Variants in ADAMTS17 observed in about 807,000 individuals in gnomAD.
The protein encoded by ADAMTS17 is A disintegrin and metalloproteinase with thrombospondin motifs 17.
ADAMTS17 carries 113 observed loss-of-function variants against 141.5 expected under a neutral mutation model. The observed-to-expected ratio is 0.80, with a 90% CI of 0.69 to 0.93. ADAMTS17 has a LOEUF of 0.93. Ranked by LOEUF, ADAMTS17 falls within the 40% of genes least tolerant of loss-of-function variation. ADAMTS17 has a pLI of 0.00. For synonymous variants in ADAMTS17, 768 were observed against 630.6 expected, an observed-to-expected ratio of 1.22 and a Z score of -3.27; for missense variants, 1,659 against 1,517.9, an observed-to-expected ratio of 1.09 and a Z score of -1.54.
intron 7 of ADAMTS17, among the ~76,000 whole-genome samples, chr15:100,216,601 T>A (rs1313087614): frequency 6.6e-6 from 1 of 152,160 alleles, no homozygotes; most frequent in Non-Finnish European, 1.5e-5. Context: ...TGACCTGGAT[T>A]TTGCGCTGAC....
chr15:100,206,743 G>C (rs541154242), intron 7 of ADAMTS17, among the ~76,000 whole-genome samples: 1 of 152,182 alleles, frequency 6.6e-6, no homozygotes, highest in South Asian at 2.1e-4. Flanking sequence ...TATCCCCAAA[G>C]GGAATCTGGG....
At chr15:100,104,353 GTTAAGT>G (rs138427171) in intron 14 of ADAMTS17, among the ~76,000 whole-genome samples, 5,493 of 152,218 alleles carry the variant, frequency 0.036, 340 homozygotes, top group African/African-American at 0.12. Context: ...TATGAGTGCT[GTTAAGT>G]TTAATTTCAG....
Position 100,284,632 on chromosome 15 carries a change from T to C in ADAMTS17, c.617-3231A>G, listed in dbSNP as rs1261164999. On this transcript the variant is annotated intron_variant, in intron 3 of 21. Transcript: ENST00000268070. Reference sequence around the variant, plus strand: ...GAGGGCACCTTAGCCTTCTCCTCCCTCCCTGATCTCAACCACTCCCTCAGC... The same window carrying C: ...GAGGGCACCTTAGCCTTCTCCTCCCCCCCTGATCTCAACCACTCCCTCAGC... Among the ~76,000 whole-genome samples the C allele has an allele frequency of 5.9e-5, 9 of 152,272 alleles. No homozygotes were observed. In the East Asian group the frequency reaches 1.5e-3, roughly 26 times the overall value.
chr15:100,239,509 G>C (rs1305858644), intron 7 of ADAMTS17, among the ~76,000 whole-genome samples: 1 of 152,124 alleles, frequency 6.6e-6, no homozygotes, highest in Non-Finnish European at 1.5e-5. Context: ...TGAGATGCTG[G>C]ACTGTGTGGA....
At chr15:100,221,078 G>C (rs147327957) in intron 7 of ADAMTS17, among the ~76,000 whole-genome samples, 1 of 152,080 alleles carries the variant, frequency 6.6e-6, no homozygotes, top group Non-Finnish European at 1.5e-5. Flanking sequence ...ATTTCTTGAG[G>C]AACTGGGAAC....
chr15:100,146,224 T>C (rs755590489), intron 10 of ADAMTS17, among the ~76,000 whole-genome samples: 74 of 152,158 alleles, frequency 4.9e-4, no homozygotes, highest in Admixed American at 2.7e-3. Flanking sequence ...AACCGTATAA[T>C]AGTATACAGT....
At chr15:100,021,743 T>C (rs1445922095) in intron 18 of ADAMTS17, among the ~76,000 whole-genome samples, 4 of 152,156 alleles carry the variant, frequency 2.6e-5, no homozygotes, top group African/African-American at 9.7e-5. Flanking sequence ...AGTACCAGGG[T>C]AGATGAAGGT....
rs147281652 is a variant in ADAMTS17 at position 100,153,283 on chromosome 15, G to A, written c.1323-521C>T. On this transcript the variant is annotated intron_variant, in intron 9 of 21. Coordinates refer to ENST00000268070, the MANE Select transcript of ADAMTS17 (RefSeq NM_139057.4). ...CTGAAAGCCACTGGCAACACTCGCCGAGGACTTCAGGATTTCAACTGGGGT... is the reference window on the plus strand; with the variant it reads ...CTGAAAGCCACTGGCAACACTCGCCAAGGACTTCAGGATTTCAACTGGGGT... Among the ~76,000 whole-genome samples the A allele has an allele frequency of 8.5e-3, 1,293 of 152,236 alleles. 20 individuals are homozygous for A. The highest frequency in any genetic ancestry group is 0.03 in the African/African-American group (1,239 of 41,548).
At chr15:100,177,764 C>T (rs1435989518) in intron 8 of ADAMTS17, among the ~76,000 whole-genome samples, 1 of 152,112 alleles carries the variant, frequency 6.6e-6, no homozygotes, top group Non-Finnish European at 1.5e-5. Context: ...ATTGTGGATT[C>T]ATCTAGCTAT....
intron 3 of ADAMTS17, among the ~76,000 whole-genome samples, chr15:100,329,011 C>G (rs566038805): frequency 6.6e-6 from 1 of 152,232 alleles, no homozygotes; most frequent in East Asian, 1.9e-4. Context: ...GTTTTCAACA[C>G]CAGCTGAACA....
intron 7 of ADAMTS17, among the ~76,000 whole-genome samples, chr15:100,234,228 C>T (rs1374727635): frequency 6.6e-6 from 1 of 152,186 alleles, no homozygotes. Context: ...CCTTCAGAAA[C>T]AAAGACAGTA....
At chr15:100,331,233 A>C (rs879602275) in intron 2 of ADAMTS17, among the ~76,000 whole-genome samples, 179 bp from the exon 3 acceptor site, 11 of 152,198 alleles carry the variant, frequency 7.2e-5, no homozygotes, top group Non-Finnish European at 1.6e-4. Context: ...TGTGACTTAC[A>C]AACATACCAC....
At chr15:100,056,004 G>A (rs1413784230) in intron 15 of ADAMTS17, among the ~76,000 whole-genome samples, 1 of 152,152 alleles carries the variant, frequency 6.6e-6, no homozygotes, top group African/African-American at 2.4e-5. Context: ...CATTTCTTTA[G>A]CATCAGTCTA....
At chr15:100,023,247 G>A (rs898349540) in intron 18 of ADAMTS17, among the ~76,000 whole-genome samples, 8 of 151,924 alleles carry the variant, frequency 5.3e-5, no homozygotes, top group Admixed American at 5.2e-4. Context: ...TGTTGCCCAG[G>A]ATAAAGTGCA....
intron 8 of ADAMTS17, among the ~76,000 whole-genome samples, chr15:100,161,493 C>T (rs61075242): frequency 1.3e-5 from 2 of 152,216 alleles, no homozygotes; most frequent in East Asian, 3.9e-4. Flanking sequence ...TCCAGCCCTA[C>T]TTTCATAGCC....
At chr15:100,288,713 T>A (rs2044530386) in intron 3 of ADAMTS17, among the ~76,000 whole-genome samples, 1 of 152,028 alleles carries the variant, frequency 6.6e-6, no homozygotes, top group African/African-American at 2.4e-5. Flanking sequence ...ACTAAGAAGA[T>A]CACTCAAAAC....
At chr15:100,158,418 G>A (rs920120166) in intron 8 of ADAMTS17, among the ~76,000 whole-genome samples, 1 of 151,952 alleles carries the variant, frequency 6.6e-6, no homozygotes, top group Non-Finnish European at 1.5e-5. Context: ...TTCTTTTTTT[G>A]AGGTTCATTT....
rs192176322 is a variant in ADAMTS17 at position 100,253,501 on chromosome 15, G to C, written c.1075+635C>G. 7.2e-4 allele frequency among the ~76,000 whole-genome samples: 58 copies of C among 80,304 alleles called. 13 individuals carry two copies. The highest frequency in any genetic ancestry group is 3.0e-3 in the African/African-American group (55 of 18,162). 52.7% of individuals were successfully genotyped at this position (80,304 alleles called of 152,430 possible). ...AGGGGGAGGGGAACGTAGAGGGGGA[G>C]GGGAAGGTAGAGGGGGGAGGGGAAG... On this transcript the variant is annotated intron_variant, in intron 7 of 21. Coordinates refer to ENST00000268070, the MANE Select transcript of ADAMTS17 (RefSeq NM_139057.4).
chr15:99,981,801 G>A (rs1445777016), intron 20 of ADAMTS17, among the ~76,000 whole-genome samples: 2 of 152,190 alleles, frequency 1.3e-5, no homozygotes, highest in Non-Finnish European at 2.9e-5. Context: ...AAATAAAACT[G>A]GAGAATTCTG....
Sources: gnomAD v4.1 joint callset for allele counts (sites outside exome capture counted in the v4.1 genomes callset) on GRCh38, gnomAD v4.1.1 for gene constraint, MANE v1.5 for transcripts, NCBI Gene and HGNC (gene_info 2026-07-23, HGNC 2026-07-21) for gene names.